The following PHF14 variants were observed in gnomAD, a reference collection of about 807,000 sequenced individuals.
PHF14 encodes the protein PHD finger protein 14.
A neutral mutation model predicts 117.9 loss-of-function variants in PHF14; 55 were observed. That is an observed-to-expected ratio of 0.47 (90% confidence interval 0.38 to 0.58). The LOEUF (loss-of-function observed/expected upper bound fraction) is 0.58, where lower values mean the gene tolerates loss of function less well. Ranked by LOEUF, PHF14 falls within the 20% of genes least tolerant of loss-of-function variation. PHF14 has a pLI of 0.00. For synonymous variants in PHF14, 409 were observed against 368.6 expected (o/e 1.11, Z -1.26); for missense variants, 978 against 1,122.2 (o/e 0.87, Z 1.84).
At chr7:11,135,235 A>G (rs935742163) in intron 17 of PHF14, among the ~76,000 whole-genome samples, 4 of 152,116 alleles carry the variant, frequency 2.6e-5, no homozygotes, top group Non-Finnish European at 5.9e-5. Context: ...AATGGAGACA[A>G]TAAAAATACC....
chr7:11,034,327 G>C (rs1051180890), intron 7 of PHF14, among the ~76,000 whole-genome samples: 3 of 151,964 alleles, frequency 2.0e-5, no homozygotes, highest in Admixed American at 6.6e-5. Context: ...CTGTTGTTTT[G>C]TTAGCAATTA....
intron 17 of PHF14, among the ~76,000 whole-genome samples, chr7:11,146,627 A>C (rs571689429): frequency 1.3e-5 from 2 of 152,308 alleles, no homozygotes; most frequent in African/African-American, 4.8e-5. Context: ...ATGGTTGGGG[A>C]TATAGGGCAA....
At chr7:11,152,209 A>G (rs1455824657) in intron 17 of PHF14, among the ~76,000 whole-genome samples, 1 of 152,136 alleles carries the variant, frequency 6.6e-6, no homozygotes, top group African/African-American at 2.4e-5. Flanking sequence ...AAAGTATGTG[A>G]AGCTTTTAAA....
chr7:11,025,699 G>A (rs946705558), intron 6 of PHF14, among the ~76,000 whole-genome samples: 1 of 152,308 alleles, frequency 6.6e-6, no homozygotes, highest in East Asian at 1.9e-4. Flanking sequence ...GGAGGCTGAG[G>A]CAGGAGAATG....
intron 16 of PHF14, among the ~76,000 whole-genome samples, chr7:11,077,539 T>G (rs1276169474): frequency 6.8e-6 from 1 of 147,450 alleles, no homozygotes; most frequent in Non-Finnish European, 1.5e-5. Flanking sequence ...AGGCAAAGGT[T>G]GTAGTGAGCC....
At chr7:10,976,869 G>A (rs572558620) in intron 2 of PHF14, among the ~76,000 whole-genome samples, 2 of 147,672 alleles carry the variant, frequency 1.4e-5, no homozygotes, top group Admixed American at 6.8e-5. Context: ...TTACCTTCCT[G>A]GCCCCCTGGG....
intron 17 of PHF14, among the ~76,000 whole-genome samples, chr7:11,152,871 G>A (rs1484545928): frequency 2.6e-5 from 4 of 152,146 alleles, no homozygotes; most frequent in African/African-American, 9.7e-5. Context: ...AAAGTCAGAG[G>A]AAACACCTAC....
rs1211050539 is a variant in PHF14 at position 11,104,739 on chromosome 7, C to G, written c.2655-6611C>G. 9 of 651,306 alleles carry G rather than the reference C, an allele frequency of 1.4e-5. No homozygotes were observed. The African/African-American group carries it at 1.8e-4, about 13-fold the overall frequency. 40.3% of individuals were successfully genotyped at this position (651,306 alleles called of 1,614,324 possible). ...ACCCTATTCCTCTCCTGGATCTGCC[C>G]TCTGCCCACTTTACTCCCTCCCCCT... On this transcript the variant is annotated intron_variant, in intron 16 of 17. Transcript: ENST00000634607.
Position 11,152,648 on chromosome 7 carries a change from G to A in PHF14, c.2773-16768G>A, listed in dbSNP as rs140247703. Among the ~76,000 whole-genome samples, 190 of 149,926 alleles carry A rather than the reference G, an allele frequency of 1.3e-3. 1 individual carries two copies. Among genetic ancestry groups the A allele is most frequent in the African/African-American group, 4.1e-3 (165 of 39,828 alleles). On this transcript the variant is annotated intron_variant, in intron 17 of 17. Transcript: ENST00000634607. The stretch of plus-strand genomic sequence containing the variant: ...AATAAGACTAACTTATAAGGATATC[G>A]TAATAAGAAAAACAGAAAATCTGCT...
At chr7:11,072,891 G>C (rs1425139595) in intron 16 of PHF14, among the ~76,000 whole-genome samples, 1 of 152,080 alleles carries the variant, frequency 6.6e-6, no homozygotes, top group Admixed American at 6.5e-5. Flanking sequence ...GAGGTGTCAG[G>C]CTCCTTTAAA....
chr7:10,979,056 T>C (rs73678537), intron 2 of PHF14, among the ~76,000 whole-genome samples: 2,951 of 152,234 alleles, frequency 0.019, 110 homozygotes, highest in African/African-American at 0.068. Flanking sequence ...CAGAATTAGA[T>C]TGATGAAATT....
chr7:11,026,727 T>G (rs1359975567), intron 6 of PHF14, among the ~76,000 whole-genome samples: 1 of 151,756 alleles, frequency 6.6e-6, no homozygotes, highest in Non-Finnish European at 1.5e-5. Flanking sequence ...AGCTTGTTTT[T>G]TTTTTTTTTT....
chr7:11,023,836 AG>A (rs1288653766), intron 6 of PHF14, among the ~76,000 whole-genome samples: 1 of 152,198 alleles, frequency 6.6e-6, no homozygotes, highest in Admixed American at 6.5e-5. Context: ...TCAAAAAAAA[AG>A]AAAAAGAAAT....
intron 2 of PHF14, among the ~76,000 whole-genome samples, chr7:10,981,660 T>A (rs540079074): frequency 2.0e-5 from 3 of 152,336 alleles, no homozygotes; most frequent in South Asian, 4.1e-4. Flanking sequence ...TAGTAGTTAC[T>A]GCGTAGAAGT....
intron 2 of PHF14, among the ~76,000 whole-genome samples, chr7:10,980,899 T>C (rs752038739): frequency 2.0e-5 from 3 of 152,170 alleles, no homozygotes; most frequent in Non-Finnish European, 4.4e-5. Flanking sequence ...CTGACCCGTA[T>C]GATATTGCTC....
chr7:11,003,790 G>A (rs1405010272), intron 4 of PHF14, among the ~76,000 whole-genome samples: 1 of 152,152 alleles, frequency 6.6e-6, no homozygotes, highest in Non-Finnish European at 1.5e-5. Flanking sequence ...AAATAGTTAT[G>A]CTGTCTGTCT....
chr7:10,985,637 T>C (rs796698182), intron 3 of PHF14, among the ~76,000 whole-genome samples: 1,078 of 96,788 alleles, frequency 0.011, 18 homozygotes, highest in African/African-American at 0.036. Context: ...ATTCTCAAAC[T>C]GTTTTTTTTT....
chr7:11,098,933 A>G (rs1019537744), intron 16 of PHF14, among the ~76,000 whole-genome samples: 1 of 152,206 alleles, frequency 6.6e-6, no homozygotes, highest in Non-Finnish European at 1.5e-5. Flanking sequence ...ATTGTATGTC[A>G]CGAAGAGATT....
chr7:11,081,773 T>C (rs1786113347), intron 16 of PHF14, among the ~76,000 whole-genome samples: 1 of 151,926 alleles, frequency 6.6e-6, no homozygotes, highest in Non-Finnish European at 1.5e-5. Context: ...GGAGAATCAC[T>C]TGAGCCCCGG....
Sources: allele counts gnomAD v4.1 joint callset (sites outside exome capture counted in the v4.1 genomes callset), GRCh38; gene constraint gnomAD v4.1.1; transcripts MANE v1.5; gene names NCBI Gene and HGNC (gene_info 2026-07-23, HGNC 2026-07-21).